Variants in CRACD observed in about 807,000 individuals in gnomAD.
CRACD encodes the protein capping protein-inhibiting regulator of actin dynamics.
A neutral mutation model predicts 106.8 loss-of-function variants in CRACD; 56 were observed. The ratio of observed to expected loss-of-function variants is 0.52; its 90% CI spans 0.42 to 0.66. The LOEUF is 0.66. Among genes scored for constraint, CRACD ranks in the 30% least tolerant of loss-of-function variants. CRACD has a pLI of 0.00. For missense variants in CRACD, 1,730 were observed against 1,623.2 expected, an observed-to-expected ratio of 1.07 and a Z score of -1.13; for synonymous variants, 754 against 670.8, an observed-to-expected ratio of 1.12 and a Z score of -1.92.
intron 3 of CRACD, among the ~76,000 whole-genome samples, chr4:56,274,730 T>C (rs1392086774): frequency 6.6e-6 from 1 of 152,184 alleles, no homozygotes; most frequent in Admixed American, 6.5e-5. Context: ...AGGATAAGCT[T>C]TGGACTATTA....
At chr4:56,301,731 C>G (rs1044147064) in intron 4 of CRACD, among the ~76,000 whole-genome samples, 5 of 151,958 alleles carry the variant, frequency 3.3e-5, no homozygotes, top group Non-Finnish European at 2.9e-5. Context: ...TGGTATCTCT[C>G]CACGGAGTAC....
intron 1 of CRACD, among the ~76,000 whole-genome samples, chr4:56,175,231 T>G (rs992698094): frequency 6.6e-6 from 1 of 152,186 alleles, no homozygotes. Context: ...TCTTCTTAGT[T>G]TTTTGAGGAA....
intron 1 of CRACD, among the ~76,000 whole-genome samples, chr4:56,159,266 A>G (rs1735864796): frequency 6.6e-6 from 1 of 152,238 alleles, no homozygotes; most frequent in Non-Finnish European, 1.5e-5. Context: ...ATAAAAATTT[A>G]TACATTTATA....
intron 1 of CRACD, among the ~76,000 whole-genome samples, chr4:56,167,138 A>C (rs1029852519): frequency 6.6e-6 from 1 of 152,224 alleles, no homozygotes; most frequent in Non-Finnish European, 1.5e-5. Context: ...GAGAAAAGGA[A>C]ATTTTAAGTT....
chr4:56,146,526 GTCATTTA>G lies in CRACD; in HGVS notation c.-335-32757_-335-32751del, dbSNP rs1437647581. On this transcript the variant is annotated intron_variant, in intron 1 of 10. Transcript: ENST00000682029. ...GCTGGTGTGCTGCACCCATTAACTC[GTCATTTA>G]GCATTAGGTATATCTCCTAATGCTA... Among the ~76,000 whole-genome samples the G allele has an allele frequency of 3.2e-3, 489 of 150,646 alleles. 4 individuals are homozygous for G. Among genetic ancestry groups the G allele is most frequent in the African/African-American group, 0.012 (475 of 41,004 alleles).
At chr4:56,126,940 G>T (rs1394639272) in intron 1 of CRACD, among the ~76,000 whole-genome samples, 1 of 152,114 alleles carries the variant, frequency 6.6e-6, no homozygotes, top group Non-Finnish European at 1.5e-5. Context: ...GAATTGGTTT[G>T]CTCTCCTGCT....
At chr4:56,160,526 A>G (rs1258488997) in intron 1 of CRACD, among the ~76,000 whole-genome samples, 1 of 152,156 alleles carries the variant, frequency 6.6e-6, no homozygotes, top group African/African-American at 2.4e-5. Flanking sequence ...AGTTTATATT[A>G]ATATGAACAG....
intron 2 of CRACD, among the ~76,000 whole-genome samples, chr4:56,192,742 G>T (rs539879111): frequency 4.6e-5 from 7 of 152,040 alleles, no homozygotes; most frequent in Admixed American, 1.3e-4. Flanking sequence ...GGAAGACCCC[G>T]GATTTTAAGT....
At chr4:56,267,918 A>T (rs560901472) in intron 2 of CRACD, among the ~76,000 whole-genome samples, 1 of 152,142 alleles carries the variant, frequency 6.6e-6, no homozygotes, top group South Asian at 2.1e-4. Context: ...TCTGCTGCCA[A>T]AACCCTCCCA....
Position 56,202,785 on chromosome 4 carries a change from A to G in CRACD, c.-189+23355A>G, listed in dbSNP as rs115296761. 2.3e-3 allele frequency among the ~76,000 whole-genome samples: 352 copies of G among 152,332 alleles called. 3 individuals carry two copies. Among genetic ancestry groups the G allele is most frequent in the African/African-American group, 8.2e-3 (343 of 41,588 alleles). On this transcript the variant is annotated intron_variant, in intron 2 of 10. Transcript: ENST00000682029. ...TTATTTTTTCTAATAAAAGTATTTT[A>G]TGATCACTATAAAACATTTTGAAAA...
chr4:56,265,401 GGGGTGTGTGTGTGTGT>G lies in CRACD; in HGVS notation c.-188-6918_-188-6903del, dbSNP rs1307556922. Among the ~76,000 whole-genome samples, 32 of 116,248 alleles carry G rather than the reference GGGGTGTGTGTGTGTGT, an allele frequency of 2.8e-4. No homozygotes were observed. In the South Asian group the frequency reaches 4.1e-3, roughly 15 times the overall value. The allele number at this position is 116,248 out of a possible 152,430, so 76.3% of individuals were successfully genotyped here. On this transcript the variant is annotated intron_variant, in intron 2 of 10. Coordinates refer to ENST00000682029, the MANE Select transcript of CRACD (RefSeq NM_001393381.1). ...GCAGTGTACTCAGGGGTATAGAGGAGGGGTGTGTGTGTGTGTGTGTGTGTGTGTGTGTGTGTGTGTG... is the reference window on the plus strand; with the variant it reads ...GCAGTGTACTCAGGGGTATAGAGGAGGTGTGTGTGTGTGTGTGTGTGTGTG...
rs369616438 is a variant in CRACD at position 56,314,010 on chromosome 4, G to A, written c.538-30G>A. The A allele has an allele frequency of 5.1e-5, 81 of 1,600,420 alleles. No homozygotes were observed. The African/African-American group carries it at 8.9e-4, about 18-fold the overall frequency. ...ACGACTGTGGGTGGAGAAAGCAAAA[G>A]GCTAATTGTGTTTTCCTTTCCAATG... On this transcript the variant is annotated intron_variant, in intron 7 of 10. Coordinates refer to ENST00000682029, the MANE Select transcript of CRACD (RefSeq NM_001393381.1). This position sits in a 1 kb window ranked among gnomAD's most constrained non-coding sequence, Gnocchi z 4.4.
intron 1 of CRACD, among the ~76,000 whole-genome samples, chr4:56,131,412 T>C (rs1296650746): frequency 1.3e-5 from 2 of 152,224 alleles, no homozygotes; most frequent in African/African-American, 2.4e-5. Context: ...GATTGCTTTT[T>C]GGTCAGGTCA....
At chr4:56,320,768 T>C (rs1746047897) in intron 8 of CRACD, 4 of 153,314 alleles carry the variant, frequency 2.6e-5, no homozygotes, top group Admixed American at 6.5e-5. Context: ...TATATACTCT[T>C]TGGTATGGGT....
chr4:56,069,578 T>C lies in CRACD; in HGVS notation c.-336+20279T>C, dbSNP rs189139392. ...CTTCCTAAGTATCAAGGAGAAAAAT[T>C]AGGTATGGGTTTAGAGAGCTCCTAC... is the stretch of plus-strand genomic sequence containing the variant. On this transcript the variant is annotated intron_variant, in intron 1 of 10. Transcript: ENST00000682029. Among the ~76,000 whole-genome samples the C allele has an allele frequency of 6.0e-4, 92 of 152,264 alleles. 1 individual carries two copies. The highest frequency in any genetic ancestry group is 3.4e-3 in the Middle Eastern group (1 of 294).
chr4:56,241,061 G>A (rs1053972375), intron 2 of CRACD, among the ~76,000 whole-genome samples: 4 of 152,292 alleles, frequency 2.6e-5, no homozygotes, highest in South Asian at 4.1e-4. Context: ...TGCAAAGTCC[G>A]TGTTACAGTA....
intron 1 of CRACD, among the ~76,000 whole-genome samples, chr4:56,127,716 GTGT>G (rs1282723259): frequency 2.6e-5 from 4 of 152,166 alleles, no homozygotes; most frequent in Admixed American, 2.6e-4. Context: ...TGCATGGCTG[GTGT>G]TGTGAAATGC....
At chr4:56,248,546 G>A (rs1400103227) in intron 2 of CRACD, among the ~76,000 whole-genome samples, 1 of 150,482 alleles carries the variant, frequency 6.6e-6, no homozygotes, top group Non-Finnish European at 1.5e-5. Flanking sequence ...AAATAGTTGT[G>A]AATTATCTCT....
chr4:56,237,794 C>T (rs1174352825), intron 2 of CRACD, among the ~76,000 whole-genome samples: 2 of 149,348 alleles, frequency 1.3e-5, no homozygotes, highest in East Asian at 2.0e-4. Context: ...GTAGATAGAG[C>T]GATGGATGAA....
Sources: gnomAD v4.1 joint callset for allele counts (sites outside exome capture counted in the v4.1 genomes callset) on GRCh38, gnomAD v4.1.1 for gene constraint, Gnocchi (gnomAD v3.1) non-coding constraint, MANE v1.5 for transcripts, NCBI Gene and HGNC (gene_info 2026-07-23, HGNC 2026-07-21) for gene names.